The following TRIM54 variants were observed in gnomAD, a reference collection of about 807,000 sequenced individuals.
TRIM54 encodes tripartite motif-containing protein 54.
In TRIM54, 40 loss-of-function variants were observed where a neutral mutation model predicts 42.0. The observed-to-expected ratio is 0.95, with a 90% CI of 0.74 to 1.24. The LOEUF (loss-of-function observed/expected upper bound fraction) is 1.24. TRIM54 is among the 50% of genes most tolerant of loss of function. TRIM54 has a pLI of 0.00. For missense variants in TRIM54, 485 were observed against 480.3 expected (o/e 1.01, Z -0.09); for synonymous variants, 199 against 194.9 (o/e 1.02, Z -0.17).
chr2:27,303,890 TA>T (rs1679106787), intron 3 of TRIM54, among the ~76,000 whole-genome samples: 1 of 152,116 alleles, frequency 6.6e-6, no homozygotes, highest in South Asian at 2.1e-4. Flanking sequence ...TGAAAAATTT[TA>T]AAAACCAAAC....
At chr2:27,302,984 G>A (rs1266469618) in intron 3 of TRIM54, among the ~76,000 whole-genome samples, 2 of 152,144 alleles carry the variant, frequency 1.3e-5, no homozygotes, top group African/African-American at 4.8e-5. Flanking sequence ...AGAGACTTCA[G>A]TATGGTGGGT....
In TRIM54 at chr2:27,307,430, C is replaced by T; in HGVS notation, c.*545C>T. The stretch of plus-strand genomic sequence containing the variant: ...TTCAGTACTTTTATTAAAAAATAGT[C>T]ACGCAGACAGTGCCCTGGTGGCTCT... On this transcript the variant is annotated 3_prime_UTR_variant, in exon 9 of 9. Transcript: ENST00000380075. The surrounding 1 kb of genome is among the most constrained non-coding windows in gnomAD (Gnocchi z 6.9). 6.4e-6 allele frequency: 10 copies of T among 1,564,638 alleles called. No homozygotes were observed. Among genetic ancestry groups the T allele is most frequent in the Non-Finnish European group, 8.6e-6 (10 of 1,157,284 alleles).
At chr2:27,287,959 C>G (rs75703508) in intron 1 of TRIM54, among the ~76,000 whole-genome samples, 1,939 of 152,340 alleles carry the variant, frequency 0.013, 56 homozygotes, top group African/African-American at 0.044. Flanking sequence ...GCCCACTCTT[C>G]TGCTTATCAC....
chr2:27,306,525 G>A lies in TRIM54; in HGVS notation c.1061G>A (p.Arg354Gln). The change falls in exon 8 of 9, where the codon CGG becomes CAG. Residue 354 changes from arginine (R) to glutamine (Q), a missense_variant. Arg to Gln is a conservative substitution (Grantham distance 43). Transcript: ENST00000380075. This position sits in a 1 kb window ranked among gnomAD's most constrained non-coding sequence, Gnocchi z 6.1. ...EEGSAGPEEE[R>Q]PDGP is the part of the protein sequence containing the mutation. ...GGCAGCGCGGGGCCGGAGGAAGAGC[G>A]GCCGGATGGGCCTTAAGGTGAGAGC... The A allele has an allele frequency of 6.4e-7, 1 of 1,556,492 alleles. No homozygotes were observed. Among genetic ancestry groups the A allele is most frequent in the Non-Finnish European group, 8.7e-7 (1 of 1,150,178 alleles).
chr2:27,307,368 G>T lies in TRIM54; in HGVS notation c.*483G>T. ...CCTTCCCACGGGTTCCCACGCTGCT[G>T]TGACTGCCCTGCCTCTACGACAAAA... On this transcript the variant is annotated 3_prime_UTR_variant, in exon 9 of 9. Transcript: ENST00000380075. This position sits in a 1 kb window ranked among gnomAD's most constrained non-coding sequence, Gnocchi z 6.9. The T allele has an allele frequency of 7.5e-7, 1 of 1,336,426 alleles. No individual in the cohort carries two copies. Among genetic ancestry groups the T allele is most frequent in the Non-Finnish European group, 1.0e-6 (1 of 1,003,494 alleles). The allele number at this position is 1,336,426 out of a possible 1,614,324, so 82.8% of individuals were successfully genotyped here.
At chr2:27,303,759 C>T (rs1293760291) in intron 3 of TRIM54, among the ~76,000 whole-genome samples, 2 of 152,004 alleles carry the variant, frequency 1.3e-5, no homozygotes, top group Non-Finnish European at 2.9e-5. Context: ...AAACGTAATC[C>T]ATGAGTGAAG....
At chr2:27,289,919 T>G (rs1678674106) in intron 1 of TRIM54, among the ~76,000 whole-genome samples, 1 of 140,928 alleles carries the variant, frequency 7.1e-6, no homozygotes, top group African/African-American at 2.6e-5. Context: ...TAGCCCAGGC[T>G]GGAGTGCGGT....
chr2:27,299,673 G>T (rs1485158952), intron 3 of TRIM54: 17 of 568,164 alleles, frequency 3.0e-5, no homozygotes, highest in Non-Finnish European at 4.5e-5. Context: ...ACCGCACTCA[G>T]CCCTATCTAT....
chr2:27,305,646 G>A lies in TRIM54; in HGVS notation c.672G>A (p.Leu224=). 1 of 1,613,774 alleles carries A rather than the reference G, an allele frequency of 6.2e-7. No homozygotes were observed. The highest frequency in any genetic ancestry group is 8.5e-7 in the Non-Finnish European group (1 of 1,179,946). The change falls in exon 5 of 9, where the codon CTG becomes CTA. Residue 224 remains leucine (L), a synonymous_variant. Coordinates refer to ENST00000380075, the MANE Select transcript of TRIM54 (RefSeq NM_187841.3). ...GGTTTGAGAGCCTGTGCGCAGTGCTGGAGGAGCGCAAGGGTGAGCTGCTGC... is the reference window on the plus strand; with the variant it reads ...GGTTTGAGAGCCTGTGCGCAGTGCTAGAGGAGCGCAAGGGTGAGCTGCTGC... ...NQRFESLCAV[L]EERKGELLQA... is the part of the protein sequence containing the mutation.
chr2:27,296,722 C>T (rs74919537), intron 1 of TRIM54, among the ~76,000 whole-genome samples: 4,678 of 152,198 alleles, frequency 0.031, 122 homozygotes, highest in Non-Finnish European at 0.05. Context: ...AGCCAATTGG[C>T]CACACCCAGC....
At chr2:27,293,671 G>A (rs1678783697) in intron 1 of TRIM54, among the ~76,000 whole-genome samples, 1 of 152,052 alleles carries the variant, frequency 6.6e-6, no homozygotes, top group South Asian at 2.1e-4. Flanking sequence ...TCTTTCCTCT[G>A]TGAAGGTTTG....
rs533883684 is a variant in TRIM54 at position 27,286,739 on chromosome 2, G to C, written c.168+3840G>C. On this transcript the variant is annotated intron_variant, in intron 1 of 8. Coordinates refer to ENST00000380075, the MANE Select transcript of TRIM54 (RefSeq NM_187841.3). ...TCTGTCTACAGAGGGACTTGCAGAG[G>C]GGGGATTGTCAAGAAAGAAGCCTCC... 3.9e-5 allele frequency among the ~76,000 whole-genome samples: 6 copies of C among 152,330 alleles called. No individual in the cohort carries two copies. In the South Asian group the frequency reaches 1.0e-3, roughly 26 times the overall value.
chr2:27,306,610 G>T lies in TRIM54; in HGVS notation c.*1+68G>T. 7.1e-7 allele frequency: 1 copy of T among 1,411,420 alleles called. No homozygotes were observed. Among genetic ancestry groups the T allele is most frequent in the Admixed American group, 2.7e-5 (1 of 37,574 alleles). The allele number at this position is 1,411,420 out of a possible 1,614,324, so 87.4% of individuals were successfully genotyped here. ...GGGCTTGGGGTGGGGCCTGGCTGGT[G>T]TGCTCGCGTCCCCTCCCCCAGTGAT... On this transcript the variant is annotated intron_variant, in intron 8 of 8. Transcript: ENST00000380075. The surrounding 1 kb of genome is among the most constrained non-coding windows in gnomAD (Gnocchi z 6.1).
intron 3 of TRIM54, among the ~76,000 whole-genome samples, chr2:27,299,887 T>A (rs760060637): frequency 1.3e-5 from 2 of 151,888 alleles, no homozygotes; most frequent in Non-Finnish European, 2.9e-5. Flanking sequence ...TTTTTTGGTT[T>A]TTTTTTGACT....
chr2:27,286,382 TG>T (rs1025198847), intron 1 of TRIM54, among the ~76,000 whole-genome samples: 1 of 152,266 alleles, frequency 6.6e-6, no homozygotes, highest in African/African-American at 2.4e-5. Flanking sequence ...CTCTCTGAAT[TG>T]AAACAGAATG....
At position 27,304,961 on chromosome 2, in the gene TRIM54, T is replaced by A. The variant is rs745309704; in HGVS notation, c.516T>A (p.Ser172Arg). The A allele has an allele frequency of 3.1e-6, 5 of 1,613,592 alleles. No individual in the cohort carries two copies. The South Asian group carries it at 3.3e-5, about 11-fold the overall frequency. Residue 172 changes from serine to arginine, a missense_variant and splice_region_variant, in exon 4 of 9, where the codon AGT becomes AGA. Ser to Arg is a moderately radical substitution (Grantham distance 110). Coordinates refer to ENST00000380075, the MANE Select transcript of TRIM54 (RefSeq NM_187841.3). ...GTGCTGACCTGTGTGTGTATCAGAG[T>A]GAGCTCAGCGATGGCATCGCGATGC... ...PLPTIYKRQK[S>R]ELSDGIAMLV...
At position 27,306,257 on chromosome 2, in the gene TRIM54, C is replaced by T. The variant is rs1324853331; in HGVS notation, c.911C>T (p.Pro304Leu). 3.1e-6 allele frequency: 5 copies of T among 1,613,934 alleles called. No homozygotes were observed. The highest frequency in any genetic ancestry group is 2.2e-5 in the East Asian group (1 of 44,880). Residue 304 changes from proline (P) to leucine (L), a missense_variant, in exon 7 of 9, where the codon CCA becomes CTA. Pro to Leu is a moderately conservative substitution (Grantham distance 98). Transcript: ENST00000380075. This position sits in a 1 kb window ranked among gnomAD's most constrained non-coding sequence, Gnocchi z 6.1. ...GTGGAGCTGGCAGGGCGGCCGGAGC[C>T]AGGCTATGAGAGCATGGAGCAATTC... ...SKVELAGRPEPGYESMEQFTV... is the reference protein window; with the variant it reads ...SKVELAGRPELGYESMEQFTV...
At chr2:27,304,076 G>C (rs1323780610) in intron 3 of TRIM54, among the ~76,000 whole-genome samples, 1 of 151,802 alleles carries the variant, frequency 6.6e-6, no homozygotes, top group African/African-American at 2.4e-5. Flanking sequence ...GCCGGACGTG[G>C]TGTCATGCGC....
chr2:27,289,211 C>T (rs1011845099), intron 1 of TRIM54, among the ~76,000 whole-genome samples: 2 of 152,066 alleles, frequency 1.3e-5, no homozygotes, highest in African/African-American at 2.4e-5. Context: ...TGGATCCTTT[C>T]TAATAACAAT....
Sources: allele counts gnomAD v4.1 joint callset (sites outside exome capture counted in the v4.1 genomes callset), GRCh38; gene constraint gnomAD v4.1.1; non-coding constraint Gnocchi (gnomAD v3.1); transcripts MANE v1.5; gene names NCBI Gene and HGNC (gene_info 2026-07-23, HGNC 2026-07-21).